Variants in AKAP7 observed in about 807,000 individuals in gnomAD.
The protein encoded by AKAP7 is A-kinase anchoring protein 7.
Under a neutral mutation model 39.5 loss-of-function variants are expected in AKAP7, and 39 were observed. That is an observed-to-expected ratio of 0.99 (90% confidence interval 0.76 to 1.29). The LOEUF (loss-of-function observed/expected upper bound fraction) is 1.29. Ranked by LOEUF, AKAP7 falls within the 50% of genes most tolerant of loss-of-function variation. AKAP7 has a pLI of 0.00. For synonymous variants in AKAP7, 140 were observed against 139.1 expected, an observed-to-expected ratio of 1.01 and a Z score of -0.05; for missense variants, 414 against 407.7, an observed-to-expected ratio of 1.02 and a Z score of -0.13.
At chr6:131,180,073 A>G (rs1364998455) in intron 5 of AKAP7, among the ~76,000 whole-genome samples, 2 of 152,116 alleles carry the variant, frequency 1.3e-5, no homozygotes, top group Non-Finnish European at 2.9e-5. Context: ...TTGCTGCCCC[A>G]GCCCCCTGTT....
At chr6:131,267,630 A>T (rs2128331735) in intron 7 of AKAP7, among the ~76,000 whole-genome samples, 1 of 152,246 alleles carries the variant, frequency 6.6e-6, no homozygotes, top group East Asian at 1.9e-4. Context: ...AACCAGAGCA[A>T]GTTTTGCTGC....
At chr6:131,227,563 C>T (rs752014426) in intron 7 of AKAP7, among the ~76,000 whole-genome samples, 2 of 152,174 alleles carry the variant, frequency 1.3e-5, no homozygotes, top group African/African-American at 2.4e-5. Context: ...AAGATAAGAC[C>T]GTTAATTAAT....
At chr6:131,247,269 G>GCA (rs1812075873) in intron 7 of AKAP7, among the ~76,000 whole-genome samples, 1 of 91,922 alleles carries the variant, frequency 1.1e-5, no homozygotes, top group South Asian at 3.9e-4. Context: ...CATTTCATAT[G>GCA]TATATATATA....
chr6:131,134,843 C>G (rs1297031897), upstream of AKAP7, among the ~76,000 whole-genome samples: 1 of 152,178 alleles, frequency 6.6e-6, no homozygotes, highest in Non-Finnish European at 1.5e-5. Context: ...ACCTAATGTT[C>G]TTAACCCCTG....
intron 7 of AKAP7, among the ~76,000 whole-genome samples, chr6:131,220,644 GTTTA>G (rs1275791011): frequency 2.0e-5 from 3 of 152,148 alleles, no homozygotes; most frequent in Non-Finnish European, 4.4e-5. Context: ...TAAAAAGACA[GTTTA>G]TTTATTTATT....
intron 1 of AKAP7, among the ~76,000 whole-genome samples, chr6:131,143,449 C>T (rs1447783232): frequency 6.6e-6 from 1 of 152,208 alleles, no homozygotes; most frequent in African/African-American, 2.4e-5. Context: ...GACATGTTGG[C>T]TTCCCTTTGC....
chr6:131,274,829 A>G (rs948145604), intron 7 of AKAP7, among the ~76,000 whole-genome samples: 1 of 152,070 alleles, frequency 6.6e-6, no homozygotes, highest in African/African-American at 2.4e-5. Context: ...TCCTGTGCAC[A>G]TGCATATGCC....
intron 7 of AKAP7, among the ~76,000 whole-genome samples, chr6:131,271,790 AAAAAAGTTCTCTTTT>A (rs1814306542): frequency 1.3e-5 from 2 of 152,224 alleles, no homozygotes; most frequent in African/African-American, 4.8e-5. Flanking sequence ...TGTTTAGAAT[AAAAAAGTTCTCTTTT>A]AAAGTCAGAC....
At chr6:131,135,968 G>A (rs1013006463) in intron 1 of AKAP7, among the ~76,000 whole-genome samples, 186 bp downstream of exon 1, 3 of 152,072 alleles carry the variant, frequency 2.0e-5, no homozygotes, top group Non-Finnish European at 4.4e-5. Context: ...CATCAGTGCT[G>A]CCTGTAGCGA....
chr6:131,159,065 T>C (rs1802689031), intron 2 of AKAP7, among the ~76,000 whole-genome samples: 1 of 150,906 alleles, frequency 6.6e-6, no homozygotes, highest in South Asian at 2.1e-4. Flanking sequence ...AGATGACCTT[T>C]TGTTAAGGAT....
chr6:131,241,627 G>GTGTGTATATATATA, intron 7 of AKAP7, among the ~76,000 whole-genome samples: 32 of 86,638 alleles, frequency 3.7e-4, no homozygotes, highest in African/African-American at 1.1e-3. Context: ...GTGTGTGTGT[G>GTGTGTATATATATA]TATATATATA....
intron 7 of AKAP7, among the ~76,000 whole-genome samples, chr6:131,243,593 A>G: frequency 6.6e-6 from 1 of 152,296 alleles, no homozygotes; most frequent in African/African-American, 2.4e-5. Context: ...AGCTTTAATA[A>G]TAATATATTG....
At chr6:131,164,940 C>A in intron 3 of AKAP7, 141 bp from the exon 4 acceptor site, 1 of 621,346 alleles carries the variant, frequency 1.6e-6, no homozygotes, top group South Asian at 2.4e-5. Context: ...GACAATTAAG[C>A]ATTCATTTGG....
upstream of AKAP7, among the ~76,000 whole-genome samples, chr6:131,133,583 T>C (rs1438284504): frequency 6.6e-6 from 1 of 152,216 alleles, no homozygotes; most frequent in African/African-American, 2.4e-5. Flanking sequence ...ATGTGGCATT[T>C]GGGCTGTTAC....
intron 7 of AKAP7, among the ~76,000 whole-genome samples, chr6:131,238,116 C>A (rs1476878252): frequency 6.6e-6 from 1 of 152,044 alleles, no homozygotes; most frequent in Non-Finnish European, 1.5e-5. Flanking sequence ...TCTTTGTTCT[C>A]GTTGGTTTCA....
chr6:131,229,793 TG>T (rs1277770383), intron 7 of AKAP7, among the ~76,000 whole-genome samples: 1 of 152,230 alleles, frequency 6.6e-6, no homozygotes, highest in Non-Finnish European at 1.5e-5. Flanking sequence ...GCCTTCAAGA[TG>T]CTGAACTTTC....
chr6:131,176,926 A>G (rs1804641521), intron 5 of AKAP7, among the ~76,000 whole-genome samples: 1 of 152,192 alleles, frequency 6.6e-6, no homozygotes, highest in Admixed American at 6.5e-5. Flanking sequence ...TTAGAAGACC[A>G]GCTTGTCTTC....
At chr6:131,220,496 T>A (rs1809604143) in intron 7 of AKAP7, among the ~76,000 whole-genome samples, 1 of 152,220 alleles carries the variant, frequency 6.6e-6, no homozygotes, top group Admixed American at 6.5e-5. Context: ...AACCAGACAC[T>A]ATTCTTTTAA....
At chr6:131,265,809 T>A (rs986145693) in intron 7 of AKAP7, among the ~76,000 whole-genome samples, 13 of 152,324 alleles carry the variant, frequency 8.5e-5, no homozygotes, top group African/African-American at 3.1e-4. Context: ...CTTCTCTGAC[T>A]CTTGTTTGTA....
Sources: allele counts gnomAD v4.1 joint callset (sites outside exome capture counted in the v4.1 genomes callset), GRCh38; gene constraint gnomAD v4.1.1; transcripts MANE v1.5; gene names NCBI Gene and HGNC (gene_info 2026-07-23, HGNC 2026-07-21).